MYO1H: variants seen among roughly 807,000 people sequenced by gnomAD.
The protein encoded by MYO1H is myosin IH, also known as unconventional myosin-Ih.
A neutral mutation model predicts 149.3 loss-of-function variants in MYO1H; 118 were observed. The ratio of observed to expected loss-of-function variants is 0.79; its 90% CI spans 0.68 to 0.92. MYO1H has a LOEUF of 0.92. Among genes scored for constraint, MYO1H ranks in the 40% least tolerant of loss-of-function variants. The pLI is 0.00. For missense variants in MYO1H, 1,212 were observed against 1,280.7 expected, an observed-to-expected ratio of 0.95 and a Z score of 0.82; for synonymous variants, 447 against 465.2, an observed-to-expected ratio of 0.96 and a Z score of 0.50.
chr12:109,349,189 G>T (rs544482611), intron 1 of MYO1H, among the ~76,000 whole-genome samples: 3 of 152,184 alleles, frequency 2.0e-5, no homozygotes, highest in Admixed American at 1.3e-4. Flanking sequence ...CCTCAAGGTC[G>T]CATGTGCCTT....
intron 25 of MYO1H, 128 bp from the exon 26 acceptor site, chr12:109,441,487 T>C (rs11608355): frequency 0.32 from 175,390 of 555,864 alleles, 28,948 homozygotes; most frequent in African/African-American, 0.4. Context: ...TTCTGACTTG[T>C]ATGCTCCAGG....
At chr12:109,341,278 A>T in the MYO1H span, among the ~76,000 whole-genome samples, 1 of 151,446 alleles carries the variant, frequency 6.6e-6, no homozygotes, top group African/African-American at 2.4e-5. Context: ...AAATGGTAAT[A>T]TTGTCTATGT....
chr12:109,401,902 G>A (rs1056361077), intron 6 of MYO1H, among the ~76,000 whole-genome samples: 1 of 151,834 alleles, frequency 6.6e-6, no homozygotes, highest in Non-Finnish European at 1.5e-5. Flanking sequence ...ACCATGCCTC[G>A]CTAATTTTTG....
At chr12:109,327,298 A>T in the MYO1H span, among the ~76,000 whole-genome samples, 1 of 149,682 alleles carries the variant, frequency 6.7e-6, no homozygotes, top group Non-Finnish European at 1.5e-5. Context: ...TGCCTGGCTA[A>T]TTTTTTTTGT....
At position 109,403,968 on chromosome 12, in the gene MYO1H, CT is replaced by C. The variant is rs759941717; in HGVS notation, c.751-9del. 2 of 1,604,744 alleles carry C rather than the reference CT, an allele frequency of 1.2e-6. No homozygotes were observed. The highest frequency in any genetic ancestry group is 1.3e-5 in the African/African-American group (1 of 74,856). ...TAAAAATGACATTAAGTGACTCAAA[CT>C]TTTTGTCAACAGGGTCATTGTGCCA... On this transcript the variant is annotated splice_polypyrimidine_tract_variant and intron_variant, in intron 6 of 31. Coordinates refer to ENST00000310903, the Ensembl canonical transcript of MYO1H.
the MYO1H span, among the ~76,000 whole-genome samples, chr12:109,322,249 G>C: frequency 6.6e-6 from 1 of 152,100 alleles, no homozygotes; most frequent in Non-Finnish European, 1.5e-5. Context: ...GCTGAAACTG[G>C]TTGCCTCTCC....
At chr12:109,415,559 G>T (rs1203894489) in exon 15 of MYO1H, 1 of 1,608,242 alleles carries the variant, frequency 6.2e-7, no homozygotes, top group Non-Finnish European at 8.5e-7. Flanking sequence ...GCCGAAAGAG[G>T]ATTGGCTGGA....
At chr12:109,364,154 G>A (rs1445558109) in intron 1 of MYO1H, among the ~76,000 whole-genome samples, 7 of 118,840 alleles carry the variant, frequency 5.9e-5, no homozygotes, top group African/African-American at 1.9e-4. Context: ...CTGGGCAACA[G>A]AGAGAGACCA....
At chr12:109,441,537 C>T (rs1001645624) in intron 25 of MYO1H, 78 bp from the exon 26 acceptor site, 8 of 878,600 alleles carry the variant, frequency 9.1e-6, no homozygotes, top group East Asian at 2.7e-5. Context: ...AAGGATGTGA[C>T]CTCAATGGGT....
At chr12:109,397,140 G>C (rs1869951296) in intron 4 of MYO1H, among the ~76,000 whole-genome samples, 2 of 151,990 alleles carry the variant, frequency 1.3e-5, no homozygotes, top group Admixed American at 6.6e-5. Flanking sequence ...AAGAAGTTTT[G>C]AGGCTTAAGT....
chr12:109,425,499 C>T (rs1452988369), intron 17 of MYO1H, among the ~76,000 whole-genome samples: 1 of 152,210 alleles, frequency 6.6e-6, no homozygotes. Context: ...TCAGCAATAA[C>T]AAGCCAGATG....
chr12:109,311,807 G>A, the MYO1H span, among the ~76,000 whole-genome samples: 107 of 152,242 alleles, frequency 7.0e-4, no homozygotes, highest in African/African-American at 2.5e-3. Flanking sequence ...ATTTCTACGA[G>A]GCCCAACACA....
the MYO1H span, among the ~76,000 whole-genome samples, chr12:109,330,019 C>T: frequency 4.6e-5 from 7 of 152,106 alleles, no homozygotes; most frequent in South Asian, 2.1e-4. Flanking sequence ...GGTGGTGAAC[C>T]GGACTGGGGG....
intron 13 of MYO1H, 29 bp downstream of exon 13, chr12:109,410,797 T>C (rs1438945599): frequency 4.3e-6 from 6 of 1,391,480 alleles, no homozygotes; most frequent in Non-Finnish European, 6.0e-6. Context: ...GCATTAGAGC[T>C]ATTCACCCGG....
chr12:109,407,591 A>G (rs1172022406), intron 9 of MYO1H, among the ~76,000 whole-genome samples: 2 of 131,042 alleles, frequency 1.5e-5, no homozygotes, highest in Non-Finnish European at 3.1e-5. Flanking sequence ...TGGCTAGACC[A>G]CATTTCTACA....
chr12:109,404,457 G>A (rs1164509406), intron 7 of MYO1H, among the ~76,000 whole-genome samples: 2 of 152,196 alleles, frequency 1.3e-5, no homozygotes, highest in Non-Finnish European at 2.9e-5. Context: ...ACTCCAGCCT[G>A]GGTGACAGAG....
chr12:109,411,675 A>G (rs1383779066), intron 13 of MYO1H, among the ~76,000 whole-genome samples: 1 of 152,116 alleles, frequency 6.6e-6, no homozygotes, highest in Non-Finnish European at 1.5e-5. Context: ...TTGCCTTTTC[A>G]TGGGATATTC....
At position 109,415,684 on chromosome 12, in the gene MYO1H, C is replaced by T. The variant is rs1870873167; in HGVS notation, c.1597+64C>T. The T allele has an allele frequency of 2.4e-6, 3 of 1,230,094 alleles. No individual in the cohort carries two copies. In the African/African-American group the frequency reaches 4.5e-5, roughly 18 times the overall value. 76.2% of individuals were successfully genotyped at this position (1,230,094 alleles called of 1,614,324 possible). ...GCCCAGCCTGGTGTCTTACAATAAG[C>T]TCCGAGTCCATGCAGGAAATGGTGC... On this transcript the variant is annotated intron_variant, in intron 15 of 31. Transcript: ENST00000310903.
intron 22 of MYO1H, among the ~76,000 whole-genome samples, chr12:109,438,161 C>A (rs1871950717): frequency 6.6e-6 from 1 of 151,766 alleles, no homozygotes; most frequent in South Asian, 2.1e-4. Context: ...CTTGTGTACC[C>A]CAATTTTTAA....
Sources: gnomAD v4.1 joint callset for allele counts (sites outside exome capture counted in the v4.1 genomes callset) on GRCh38, gnomAD v4.1.1 for gene constraint, MANE v1.5 for transcripts, NCBI Gene and HGNC (gene_info 2026-07-23, HGNC 2026-07-21) for gene names.